Variants in SKIL observed in about 807,000 individuals in gnomAD.
SKIL encodes the protein ski-like protein.
Under a neutral mutation model 69.6 loss-of-function variants are expected in SKIL, and 20 were observed. The observed-to-expected ratio is 0.29, with a 90% CI of 0.20 to 0.42. The LOEUF is 0.42. Ranked by LOEUF, SKIL falls within the 10% of genes least tolerant of loss-of-function variation. The pLI is 1.00. For synonymous variants in SKIL, 310 were observed against 279.9 expected (o/e 1.11, Z -1.08); for missense variants, 745 against 783.1 (o/e 0.95, Z 0.58).
chr3:170,380,494 A>G (rs150827203), intron 2 of SKIL, among the ~76,000 whole-genome samples: 2,625 of 152,104 alleles, frequency 0.017, 53 homozygotes, highest in East Asian at 0.093. Flanking sequence ...AATACAAAAA[A>G]TTAGCTGGGT....
chr3:170,390,495 A>G (rs989385058), intron 5 of SKIL, 31 bp downstream of exon 5: 5 of 1,579,474 alleles, frequency 3.2e-6, no homozygotes, highest in Middle Eastern at 1.7e-4. Context: ...ATAGTCCATT[A>G]TGAAAAGATA....
intron 3 of SKIL, among the ~76,000 whole-genome samples, chr3:170,383,996 T>C (rs575628220): frequency 6.6e-6 from 1 of 151,764 alleles, no homozygotes; most frequent in East Asian, 1.9e-4. Flanking sequence ...AGCCTGTGAT[T>C]TTCCTTCTGT....
At chr3:170,391,305 T>C (rs781677260) in intron 6 of SKIL, 45 bp downstream of exon 6, 1 of 1,110,794 alleles carries the variant, frequency 9.0e-7, no homozygotes, top group South Asian at 1.5e-5. Context: ...AGCATGGAAA[T>C]GGAAACTGTT....
chr3:170,380,131 TA>T (rs1186293160), intron 2 of SKIL, among the ~76,000 whole-genome samples: 1 of 152,204 alleles, frequency 6.6e-6, no homozygotes, highest in Non-Finnish European at 1.5e-5. Context: ...CTTTAAGTAT[TA>T]AAAAATCCTT....
Position 170,395,564 on chromosome 3 carries a change from G to C in SKIL, c.*3147G>C, listed in dbSNP as rs979953475. On this transcript the variant is annotated 3_prime_UTR_variant, in exon 7 of 7. Coordinates refer to ENST00000259119, the MANE Select transcript of SKIL (RefSeq NM_005414.5). The stretch of plus-strand genomic sequence containing the variant: ...GTTTATTTGCACATAGGTAGCTTCT[G>C]TTTGAAGGAAGGTAAAGTTATAAGG... 3.3e-5 allele frequency: 5 copies of C among 152,068 alleles called. No individual in the cohort carries two copies. The highest frequency in any genetic ancestry group is 9.7e-5 in the African/African-American group (4 of 41,426). The allele number at this position is 152,068 out of a possible 1,614,324, so 9.4% of individuals were successfully genotyped here.
At chr3:170,384,432 GAAAA>G in intron 3 of SKIL, 97 bp from the exon 4 acceptor site, 1 of 539,720 alleles carries the variant, frequency 1.9e-6, no homozygotes, top group Admixed American at 3.3e-5. Context: ...GTTTTGGTTA[GAAAA>G]AAAAAAGTTT....
chr3:170,360,604 A>T lies in SKIL; in HGVS notation c.273A>T (p.Ala91=). ...HLNPSLKHTL[A]QFHLSSQSSL... is the part of the protein sequence containing the mutation. ...ATCCCAGTTTGAAACACACATTGGCACAATTCCATTTAAGTAGTCAGAGCT... is the reference window on the plus strand; with the variant it reads ...ATCCCAGTTTGAAACACACATTGGCTCAATTCCATTTAAGTAGTCAGAGCT... Residue 91 remains alanine, a synonymous_variant, in exon 2 of 7, where the codon GCA becomes GCT. Transcript: ENST00000259119. 1 of 1,614,238 alleles carries T rather than the reference A, an allele frequency of 6.2e-7. No individual in the cohort carries two copies. Among genetic ancestry groups the T allele is most frequent in the African/African-American group, 1.3e-5 (1 of 75,066 alleles).
At chr3:170,387,024 TC>T (rs1193786926) in intron 4 of SKIL, among the ~76,000 whole-genome samples, 1 of 152,062 alleles carries the variant, frequency 6.6e-6, no homozygotes, top group East Asian at 1.9e-4. Context: ...TTCTTTTCTT[TC>T]TTTTTTTTTA....
At chr3:170,390,691 T>C (rs1737868332) in intron 5 of SKIL, among the ~76,000 whole-genome samples, 1 of 152,184 alleles carries the variant, frequency 6.6e-6, no homozygotes, top group East Asian at 1.9e-4. Flanking sequence ...TTCTCCATGC[T>C]GGCCAGGCTC....
At chr3:170,373,604 TA>T (rs1251039551) in intron 2 of SKIL, among the ~76,000 whole-genome samples, 1 of 152,238 alleles carries the variant, frequency 6.6e-6, no homozygotes, top group African/African-American at 2.4e-5. Flanking sequence ...AGGACTTAAT[TA>T]AAGATCAAAA....
Position 170,360,331 on chromosome 3 carries a change from C to T in SKIL, c.-1C>T, listed in dbSNP as rs775374585. The T allele has an allele frequency of 4.2e-5, 65 of 1,546,804 alleles. No homozygotes were observed. The highest frequency in any genetic ancestry group is 5.4e-5 in the Non-Finnish European group (62 of 1,152,204). ...TTAATTATTTAACAGAAGAGTGTAC[C>T]ATGGAAAACCTCCAGACAAATTTCT... On this transcript the variant is annotated 5_prime_UTR_variant, in exon 2 of 7. Coordinates refer to ENST00000259119, the MANE Select transcript of SKIL (RefSeq NM_005414.5).
In SKIL at chr3:170,393,895, G is replaced by T. The variant is rs1041767821; in HGVS notation, c.*1478G>T. 6.6e-6 allele frequency: 1 copy of T among 151,904 alleles called. No individual in the cohort carries two copies. The highest frequency in any genetic ancestry group is 1.5e-5 in the Non-Finnish European group (1 of 67,976). The allele number at this position is 151,904 out of a possible 1,614,324, so 9.4% of individuals were successfully genotyped here. ...CTAATGGTGTAGAAAGAATCACTAGGTTGTCATTTAACCAGTTATTTTCAT... is the reference window on the plus strand; with the variant it reads ...CTAATGGTGTAGAAAGAATCACTAGTTTGTCATTTAACCAGTTATTTTCAT... On this transcript the variant is annotated 3_prime_UTR_variant, in exon 7 of 7. Transcript: ENST00000259119.
At chr3:170,383,252 GT>G (rs1325335898) in intron 3 of SKIL, among the ~76,000 whole-genome samples, 1 of 152,036 alleles carries the variant, frequency 6.6e-6, no homozygotes, top group Non-Finnish European at 1.5e-5. Context: ...TTTACCTGTT[GT>G]ATTTGCAGTA....
At chr3:170,361,969 C>T (rs969615617) in intron 2 of SKIL, among the ~76,000 whole-genome samples, 73 of 152,076 alleles carry the variant, frequency 4.8e-4, no homozygotes, top group African/African-American at 1.7e-3. Flanking sequence ...CGATAATTTG[C>T]GCTTTGGTGT....
At chr3:170,370,590 C>T (rs1404336615) in intron 2 of SKIL, among the ~76,000 whole-genome samples, 3 of 151,548 alleles carry the variant, frequency 2.0e-5, no homozygotes, top group East Asian at 3.9e-4. Context: ...CAGTGATTCT[C>T]GAAGAGGGAA....
chr3:170,385,381 C>T (rs560909802), intron 4 of SKIL, among the ~76,000 whole-genome samples: 17 of 151,774 alleles, frequency 1.1e-4, no homozygotes, highest in African/African-American at 2.4e-4. Flanking sequence ...TGTGAGCCAC[C>T]GCACCCAACC....
At chr3:170,387,769 A>AT (rs1737713503) in intron 4 of SKIL, among the ~76,000 whole-genome samples, 1 of 133,462 alleles carries the variant, frequency 7.5e-6, no homozygotes, top group South Asian at 2.5e-4. Flanking sequence ...TAAAAAAAAA[A>AT]AAAAATACAA....
Position 170,384,534 on chromosome 3 carries a change from T to G in SKIL, c.1198T>G (p.Tyr400Asp), listed in dbSNP as rs1737519565. The G allele has an allele frequency of 6.8e-7, 1 of 1,474,426 alleles. No individual in the cohort carries two copies. Among genetic ancestry groups the G allele is most frequent in the Non-Finnish European group, 9.4e-7 (1 of 1,068,906 alleles). 91.3% of individuals were successfully genotyped at this position (1,474,426 alleles called of 1,614,324 possible). A position where few individuals can be genotyped will look rare whatever the true frequency, so the allele number is the denominator to read the frequency against. Residue 400 changes from tyrosine to aspartate, a missense_variant and splice_region_variant, in exon 4 of 7, where the codon TAC becomes GAC. Transcript: ENST00000259119. ...TGTTTTGCTTTTACTTGTTTTCAGC[T>G]ACTACTTATACATGTGTGATAAAGT... is the stretch of plus-strand genomic sequence containing the variant. The part of the protein sequence containing the change: ...SQTHSFLHPS[Y>D]YLYMCDKVVA...
intron 2 of SKIL, among the ~76,000 whole-genome samples, chr3:170,378,849 TTTTA>T (rs72498372): frequency 0.91 from 129,503 of 142,728 alleles, 59,280 homozygotes; most frequent in South Asian, 0.98. Context: ...TTGGAGCTTC[TTTTA>T]TTTATTTATT....
Sources: allele counts gnomAD v4.1 joint callset (sites outside exome capture counted in the v4.1 genomes callset), GRCh38; gene constraint gnomAD v4.1.1; transcripts MANE v1.5; gene names NCBI Gene and HGNC (gene_info 2026-07-23, HGNC 2026-07-21).